The following DYRK1A variants were observed in gnomAD, a reference collection of about 807,000 sequenced individuals.
DYRK1A encodes dual specificity tyrosine-phosphorylation-regulated kinase 1A.
In DYRK1A, 9 loss-of-function variants were observed where a neutral mutation model predicts 79.7. The observed-to-expected ratio is 0.11, with a 90% CI of 0.07 to 0.20. The LOEUF (loss-of-function observed/expected upper bound fraction) is 0.20. Among genes scored for constraint, DYRK1A ranks in the 10% least tolerant of loss-of-function variants. The pLI is 1.00. For missense variants in DYRK1A, 622 were observed against 956.0 expected, an observed-to-expected ratio of 0.65 and a Z score of 4.61; for synonymous variants, 349 against 329.7, an observed-to-expected ratio of 1.06 and a Z score of -0.63.
chr21:37,433,458 C>T (rs939823890), intron 2 of DYRK1A, among the ~76,000 whole-genome samples: 3 of 152,102 alleles, frequency 2.0e-5, no homozygotes, highest in Non-Finnish European at 2.9e-5. Context: ...GGAGAACAAA[C>T]CAAAATATTA....
At chr21:37,449,040 C>T (rs1239310021) in intron 2 of DYRK1A, among the ~76,000 whole-genome samples, 1 of 152,110 alleles carries the variant, frequency 6.6e-6, no homozygotes, top group Non-Finnish European at 1.5e-5. Context: ...TATCATTTTT[C>T]CCCTGCTTTA....
At chr21:37,365,784 G>A (rs550701845), upstream of DYRK1A, 1 of 152,640 alleles carries the variant, frequency 6.6e-6, no homozygotes, top group East Asian at 1.9e-4. Flanking sequence ...CAGCACAAGG[G>A]GATTCATCTA....
chr21:37,387,979 T>A (rs1311229028), intron 1 of DYRK1A, among the ~76,000 whole-genome samples: 1 of 152,170 alleles, frequency 6.6e-6, no homozygotes, highest in Non-Finnish European at 1.5e-5. Flanking sequence ...GTACTCATCA[T>A]TCAAATTCAA....
intron 1 of DYRK1A, among the ~76,000 whole-genome samples, chr21:37,391,646 C>A (rs1157345349): frequency 6.6e-6 from 1 of 152,190 alleles, no homozygotes; most frequent in African/African-American, 2.4e-5. Context: ...TGTTCTACAG[C>A]CTATAATCTT....
chr21:37,468,919 G>GGA (rs2052126564), intron 2 of DYRK1A, among the ~76,000 whole-genome samples: 1 of 152,060 alleles, frequency 6.6e-6, no homozygotes, highest in African/African-American at 2.4e-5. Flanking sequence ...TAACCAATAG[G>GGA]GGCTCGATCA....
upstream of DYRK1A, chr21:37,365,935 G>C (rs1424299022): frequency 6.6e-6 from 1 of 152,124 alleles, no homozygotes; most frequent in East Asian, 1.9e-4. Flanking sequence ...CGCTGGTCTC[G>C]GGCGCCACAA....
At chr21:37,495,229 G>T (rs2053232113) in intron 8 of DYRK1A, among the ~76,000 whole-genome samples, 1 of 150,432 alleles carries the variant, frequency 6.6e-6, no homozygotes, top group Non-Finnish European at 1.5e-5. Context: ...TGAAAACTGG[G>T]TTGGGTGCCG....
chr21:37,490,311 A>G lies in DYRK1A; in HGVS notation c.774A>G (p.Gln258=). ...VSLNLTRKFA[Q]QMCTALLFLA... is the part of the protein sequence containing the mutation. ...TGAACCTAACACGAAAGTTTGCGCA[A>G]CAGATGTGCACTGCACTGCTTTTCC... The change falls in exon 7 of 12, where the codon CAA becomes CAG. Residue 258 remains glutamine (Q), a synonymous_variant. Transcript: ENST00000647188. 1.2e-6 allele frequency: 2 copies of G among 1,613,782 alleles called. No homozygotes were observed. The highest frequency in any genetic ancestry group is 4.5e-5 in the East Asian group (2 of 44,838).
chr21:37,406,937 A>ATTTTTTTTTTT (rs34373101), intron 1 of DYRK1A, among the ~76,000 whole-genome samples: 1 of 138,376 alleles, frequency 7.2e-6, no homozygotes, highest in African/African-American at 2.6e-5. Context: ...AATTCTTTTG[A>ATTTTTTTTTTT]TTTTTTTTTT....
chr21:37,416,257 G>A (rs2050335595), intron 1 of DYRK1A, among the ~76,000 whole-genome samples: 1 of 146,178 alleles, frequency 6.8e-6, no homozygotes, highest in Non-Finnish European at 1.5e-5. Context: ...TCATTTCCCT[G>A]TAGTTTTACT....
chr21:37,458,633 C>T (rs2051738787), intron 2 of DYRK1A, among the ~76,000 whole-genome samples: 1 of 151,990 alleles, frequency 6.6e-6, no homozygotes, highest in Non-Finnish European at 1.5e-5. Flanking sequence ...ATGCTGGGGC[C>T]AAGGCAAGCA....
intron 7 of DYRK1A, among the ~76,000 whole-genome samples, chr21:37,492,504 G>A (rs1327218733): frequency 6.6e-6 from 1 of 152,124 alleles, no homozygotes; most frequent in Non-Finnish European, 1.5e-5. Flanking sequence ...ATCTTTATGT[G>A]GCAGTGTTTC....
At position 37,458,497 on chromosome 21, in the gene DYRK1A, C is replaced by T. The variant is rs184006479; in HGVS notation, c.11-14187C>T. On this transcript the variant is annotated intron_variant, in intron 2 of 11. Coordinates refer to ENST00000647188, the MANE Select transcript of DYRK1A (RefSeq NM_001347721.2). ...TGTCCCCTGGCAACTCTGTGTGTAACGTTTCAAACCCAAGGCATTGTACAA... is the reference window on the plus strand; with the variant it reads ...TGTCCCCTGGCAACTCTGTGTGTAATGTTTCAAACCCAAGGCATTGTACAA... Among the ~76,000 whole-genome samples the T allele has an allele frequency of 1.4e-4, 22 of 152,154 alleles. 1 individual carries two copies. The East Asian group carries it at 2.9e-3, about 20-fold the overall frequency.
At chr21:37,435,716 T>C (rs770715048) in intron 2 of DYRK1A, among the ~76,000 whole-genome samples, 8 of 152,330 alleles carry the variant, frequency 5.3e-5, no homozygotes, top group African/African-American at 1.4e-4. Context: ...ATTTTTCTTA[T>C]GACTTTGACC....
chr21:37,401,360 T>C (rs1254320995), intron 1 of DYRK1A, among the ~76,000 whole-genome samples: 3 of 152,152 alleles, frequency 2.0e-5, no homozygotes, highest in African/African-American at 7.2e-5. Flanking sequence ...GTATTAATTT[T>C]AATATTTGAT....
At chr21:37,434,148 G>C (rs2050856068) in intron 2 of DYRK1A, among the ~76,000 whole-genome samples, 1 of 152,182 alleles carries the variant, frequency 6.6e-6, no homozygotes, top group African/African-American at 2.4e-5. Context: ...GATAGGACCA[G>C]CATGCTCTTC....
intron 1 of DYRK1A, among the ~76,000 whole-genome samples, chr21:37,377,559 C>T (rs1397489183): frequency 1.3e-5 from 2 of 152,174 alleles, no homozygotes; most frequent in Non-Finnish European, 2.9e-5. Context: ...GCCTTGACCT[C>T]CTGGGTTCAA....
chr21:37,515,619 C>G lies in DYRK1A; in HGVS notation c.*3088C>G, dbSNP rs1390239625. The G allele has an allele frequency of 6.6e-6, 1 of 152,106 alleles. No individual in the cohort carries two copies. Among genetic ancestry groups the G allele is most frequent in the African/African-American group, 2.4e-5 (1 of 41,414 alleles). The allele number at this position is 152,106 out of a possible 1,614,324, so 9.4% of individuals were successfully genotyped here. Reference sequence around the variant, plus strand: ...TTGCCACTGTGATTCAATTGCTAACCTAAAGTCTTCTCTTTTTACAAATTC... The same window carrying G: ...TTGCCACTGTGATTCAATTGCTAACGTAAAGTCTTCTCTTTTTACAAATTC... On this transcript the variant is annotated 3_prime_UTR_variant, in exon 12 of 12. Coordinates refer to ENST00000647188, the MANE Select transcript of DYRK1A (RefSeq NM_001347721.2).
intron 1 of DYRK1A, among the ~76,000 whole-genome samples, chr21:37,387,990 CAT>C (rs1297513558): frequency 6.6e-6 from 1 of 151,970 alleles, no homozygotes; most frequent in Non-Finnish European, 1.5e-5. Flanking sequence ...TCAAATTCAA[CAT>C]GTGTTAACTC....
Sources: gnomAD v4.1 joint callset for allele counts (sites outside exome capture counted in the v4.1 genomes callset) on GRCh38, gnomAD v4.1.1 for gene constraint, MANE v1.5 for transcripts, NCBI Gene and HGNC (gene_info 2026-07-23, HGNC 2026-07-21) for gene names.